SPOCK1: variants seen among roughly 807,000 people sequenced by gnomAD.
SPOCK1 encodes the protein testican-1.
Under a neutral mutation model 55.3 loss-of-function variants are expected in SPOCK1, and 23 were observed. That is an observed-to-expected ratio of 0.42 (90% CI 0.30 to 0.59). The LOEUF (loss-of-function observed/expected upper bound fraction) is 0.59. Among genes scored for constraint, SPOCK1 ranks in the 20% least tolerant of loss-of-function variants. The pLI is 0.22. For synonymous variants in SPOCK1, 226 were observed against 221.0 expected (o/e 1.02, Z -0.20); for missense variants, 499 against 552.5 (o/e 0.90, Z 0.97).
chr5:137,366,732 A>C (rs929600514), intron 2 of SPOCK1, among the ~76,000 whole-genome samples: 1 of 152,252 alleles, frequency 6.6e-6, no homozygotes, highest in Non-Finnish European at 1.5e-5. Context: ...GTGATTAAGT[A>C]GGAGTTTAGT....
intron 2 of SPOCK1, among the ~76,000 whole-genome samples, chr5:137,280,297 T>C (rs552818323): frequency 6.6e-6 from 1 of 152,250 alleles, no homozygotes; most frequent in African/African-American, 2.4e-5. Flanking sequence ...ATAATACTTC[T>C]ATGTTTTCAT....
rs190936263 is a variant in SPOCK1, at chr5:137,236,822, G to T, written c.232+30188C>A. Among the ~76,000 whole-genome samples the T allele has an allele frequency of 3.9e-4, 59 of 152,262 alleles. No individual in the cohort carries two copies. In the East Asian group the frequency reaches 0.01, roughly 26 times the overall value. ...TCTACTGAGCACAGAAATATGTCAG[G>T]CCTGGGAGCTTCCTGAACTGGACAA... On this transcript the variant is annotated intron_variant, in intron 3 of 10. Coordinates refer to ENST00000394945, the MANE Select transcript of SPOCK1 (RefSeq NM_004598.4).
intron 2 of SPOCK1, among the ~76,000 whole-genome samples, chr5:137,467,519 A>T (rs1167389896): frequency 6.6e-6 from 1 of 152,222 alleles, no homozygotes; most frequent in Non-Finnish European, 1.5e-5. Flanking sequence ...AACATAGAAG[A>T]GGAAACAGAT....
chr5:137,409,722 G>C (rs1268451185), intron 2 of SPOCK1, among the ~76,000 whole-genome samples: 1 of 152,218 alleles, frequency 6.6e-6, no homozygotes, highest in East Asian at 1.9e-4. Context: ...GGTTGAGAAA[G>C]TTAATTTTGT....
intron 2 of SPOCK1, among the ~76,000 whole-genome samples, chr5:137,435,845 T>A (rs1164439613): frequency 5.3e-5 from 8 of 151,874 alleles, no homozygotes; most frequent in Non-Finnish European, 1.0e-4. Flanking sequence ...CTTGGGGGAG[T>A]TTTTTTACTT....
At chr5:136,982,783 T>A (rs980822284) in intron 9 of SPOCK1, among the ~76,000 whole-genome samples, 2 of 152,194 alleles carry the variant, frequency 1.3e-5, no homozygotes, top group African/African-American at 4.8e-5. Flanking sequence ...TGGGATCATT[T>A]GTTTGGTAGA....
chr5:137,096,900 T>A (rs1454656936), intron 5 of SPOCK1, among the ~76,000 whole-genome samples: 1 of 152,122 alleles, frequency 6.6e-6, no homozygotes, highest in African/African-American at 2.4e-5. Context: ...TGAGTCAGGG[T>A]GATGTGTTGA....
chr5:137,021,892 C>A (rs1358415113), intron 6 of SPOCK1, among the ~76,000 whole-genome samples: 1 of 152,098 alleles, frequency 6.6e-6, no homozygotes, highest in Admixed American at 6.5e-5. Context: ...AGAGAAAGAT[C>A]TATGCTGACA....
intron 6 of SPOCK1, among the ~76,000 whole-genome samples, chr5:137,023,788 AAGG>A (rs1368926500): frequency 6.6e-6 from 1 of 152,118 alleles, no homozygotes; most frequent in Non-Finnish European, 1.5e-5. Context: ...CACAGAAATG[AAGG>A]AGAACCAAGC....
intron 2 of SPOCK1, among the ~76,000 whole-genome samples, chr5:137,293,176 A>G (rs1300155402): frequency 2.0e-5 from 3 of 149,236 alleles, no homozygotes. Flanking sequence ...TAAATCTAAT[A>G]AACGAACACA....
chr5:137,049,365 T>C (rs995094670), intron 6 of SPOCK1, among the ~76,000 whole-genome samples: 2 of 137,496 alleles, frequency 1.5e-5, no homozygotes, highest in African/African-American at 5.5e-5. Flanking sequence ...TCTCTAAACT[T>C]CCCTTCTCGC....
intron 2 of SPOCK1, among the ~76,000 whole-genome samples, chr5:137,357,618 T>A (rs72796525): frequency 0.071 from 10,812 of 152,136 alleles, 515 homozygotes; most frequent in Admixed American, 0.15. Flanking sequence ...CATGCACATA[T>A]GGGGAACGGC....
intron 2 of SPOCK1, among the ~76,000 whole-genome samples, chr5:137,454,113 A>T (rs1753315794): frequency 6.6e-6 from 1 of 152,206 alleles, no homozygotes; most frequent in Admixed American, 6.5e-5. Context: ...ATTGGTGAGA[A>T]TAGTGAAGAT....
chr5:137,155,853 T>C (rs1232369700), intron 3 of SPOCK1, among the ~76,000 whole-genome samples: 1 of 152,194 alleles, frequency 6.6e-6, no homozygotes, highest in Non-Finnish European at 1.5e-5. Context: ...TTGATGCCTG[T>C]TCAAAGCCCT....
chr5:137,385,140 C>T (rs1019727342), intron 2 of SPOCK1, among the ~76,000 whole-genome samples: 2 of 152,202 alleles, frequency 1.3e-5, no homozygotes, highest in African/African-American at 4.8e-5. Flanking sequence ...AGGAAGCCTT[C>T]CTAATACCTC....
chr5:137,034,240 C>T (rs1023871344), intron 6 of SPOCK1, among the ~76,000 whole-genome samples: 3 of 152,174 alleles, frequency 2.0e-5, no homozygotes, highest in Non-Finnish European at 4.4e-5. Context: ...TGAAACCAAG[C>T]TTTTCAACAG....
At chr5:137,350,684 C>T (rs1298242874) in intron 2 of SPOCK1, among the ~76,000 whole-genome samples, 1 of 152,044 alleles carries the variant, frequency 6.6e-6, no homozygotes, top group Non-Finnish European at 1.5e-5. Flanking sequence ...ATTCCTCATC[C>T]TCTTGTTTTC....
intron 6 of SPOCK1, among the ~76,000 whole-genome samples, chr5:137,020,864 T>C (rs1315570394): frequency 1.3e-5 from 2 of 151,984 alleles, no homozygotes; most frequent in Non-Finnish European, 2.9e-5. Context: ...ACACACCAGG[T>C]TGGCAAAAGT....
intron 3 of SPOCK1, among the ~76,000 whole-genome samples, chr5:137,158,760 G>C (rs1330167564): frequency 6.6e-6 from 1 of 151,894 alleles, no homozygotes; most frequent in East Asian, 1.9e-4. Context: ...AACAAGGGAG[G>C]GACCATGGAG....
Sources: gnomAD v4.1 joint callset for allele counts (sites outside exome capture counted in the v4.1 genomes callset) on GRCh38, gnomAD v4.1.1 for gene constraint, MANE v1.5 for transcripts, NCBI Gene and HGNC (gene_info 2026-07-23, HGNC 2026-07-21) for gene names.